The following PTPN13 variants were observed in gnomAD, a reference collection of about 807,000 sequenced individuals.
PTPN13 encodes tyrosine-protein phosphatase non-receptor type 13.
Under a neutral mutation model 284.0 loss-of-function variants are expected in PTPN13, and 191 were observed. That is an observed-to-expected ratio of 0.67 (90% CI 0.60 to 0.76). The LOEUF (loss-of-function observed/expected upper bound fraction) is 0.76, where lower values mean the gene tolerates loss of function less well. Among genes scored for constraint, PTPN13 ranks in the 30% least tolerant of loss-of-function variants. The pLI, the probability that PTPN13 is intolerant of heterozygous loss-of-function variation, is 0.00. For synonymous variants in PTPN13, 986 were observed against 1,022.3 expected (o/e 0.96, Z 0.68); for missense variants, 2,797 against 2,939.9 (o/e 0.95, Z 1.12).
At chr4:86,782,817 A>G (rs1741475024) in intron 37 of PTPN13, among the ~76,000 whole-genome samples, 1 of 152,252 alleles carries the variant, frequency 6.6e-6, no homozygotes, top group African/African-American at 2.4e-5. Flanking sequence ...GGGTGACTAA[A>G]CAAAACTAAT....
intron 3 of PTPN13, among the ~76,000 whole-genome samples, chr4:86,675,680 AACTTT>A (rs745367616): frequency 2.6e-5 from 4 of 152,118 alleles, no homozygotes; most frequent in Non-Finnish European, 5.9e-5. Flanking sequence ...TTTACCTTAA[AACTTT>A]ACTTTTCAAG....
chr4:86,631,705 A>T (rs1390496881), intron 1 of PTPN13, among the ~76,000 whole-genome samples: 1 of 152,154 alleles, frequency 6.6e-6, no homozygotes, highest in African/African-American at 2.4e-5. Context: ...CACGGTATTG[A>T]TATAATTCGT....
rs1195297621 is a variant in PTPN13, at chr4:86,799,172, TAGAG to T, written c.6477_6480del (p.Arg2160GlnfsTer13). On this transcript the variant is annotated frameshift_variant, in exon 42 of 48. Transcript: ENST00000411767. LOFTEE classifies it high-confidence loss of function. ...ACATGGGGAAATGATGAGTTGCCAA[TAGAG>T]AGAACAAACCATGAAGATTCTGATA... 28 of 1,584,350 alleles carry T rather than the reference TAGAG, an allele frequency of 1.8e-5. No homozygotes were observed. Among genetic ancestry groups the T allele is most frequent in the African/African-American group, 2.7e-5 (2 of 74,102 alleles).
At chr4:86,643,187 C>T (rs1348158345) in intron 2 of PTPN13, among the ~76,000 whole-genome samples, 1 of 151,812 alleles carries the variant, frequency 6.6e-6, no homozygotes, top group South Asian at 2.1e-4. Flanking sequence ...TTCAATAAAC[C>T]GTTAAAAAGA....
At chr4:86,768,419 C>G (rs1396131993) in intron 28 of PTPN13, among the ~76,000 whole-genome samples, 1 of 152,114 alleles carries the variant, frequency 6.6e-6, no homozygotes, top group Non-Finnish European at 1.5e-5. Context: ...ACAAACTATG[C>G]TAGCCTTTGG....
At position 86,693,662 on chromosome 4, in the gene PTPN13, G is replaced by A. The variant is rs755856768; in HGVS notation, c.622G>A (p.Gly208Arg). 5 of 1,551,128 alleles carry A rather than the reference G, an allele frequency of 3.2e-6. No individual in the cohort carries two copies. Among genetic ancestry groups the A allele is most frequent in the Non-Finnish European group, 4.4e-6 (5 of 1,144,852 alleles). The part of the protein sequence containing the change: ...QAIRDRLRGK[G>R]LPTGRSSTSD... Reference sequence around the variant, plus strand: ...TATTCGAGATCGATTGCGAGGAAAAGGATTACCAACAGGTAAGAGTATATT... The same window carrying A: ...TATTCGAGATCGATTGCGAGGAAAAAGATTACCAACAGGTAAGAGTATATT... Residue 208 changes from glycine (G) to arginine (R), a missense_variant, in exon 6 of 48, where the codon GGA becomes AGA. Transcript: ENST00000411767.
chr4:86,647,420 C>A (rs1257875399), intron 2 of PTPN13, among the ~76,000 whole-genome samples: 3 of 151,568 alleles, frequency 2.0e-5, no homozygotes, highest in African/African-American at 7.3e-5. Context: ...TGTAGAGCAT[C>A]AGGAGTAGAC....
At chr4:86,715,506 A>G (rs2149065297) in intron 7 of PTPN13, among the ~76,000 whole-genome samples, 1 of 152,274 alleles carries the variant, frequency 6.6e-6, no homozygotes, top group East Asian at 1.9e-4. Flanking sequence ...ACGAGAAGAT[A>G]GCTTGAACCC....
At chr4:86,632,839 C>T (rs1236157134) in intron 1 of PTPN13, among the ~76,000 whole-genome samples, 5 of 152,054 alleles carry the variant, frequency 3.3e-5, no homozygotes, top group African/African-American at 4.8e-5. Flanking sequence ...GAAACGGTCT[C>T]ACTCTGTCAA....
chr4:86,768,119 C>A, intron 28 of PTPN13, 143 bp downstream of exon 28: 1 of 714,470 alleles, frequency 1.4e-6, no homozygotes, highest in Non-Finnish European at 2.2e-6. Flanking sequence ...GACATCACAC[C>A]ATACTGAATA....
intron 13 of PTPN13, 30 bp downstream of exon 13, chr4:86,734,486 T>C (rs749699437): frequency 6.7e-7 from 1 of 1,492,198 alleles, no homozygotes; most frequent in Non-Finnish European, 9.0e-7. Flanking sequence ...TCTTTTGCTC[T>C]TTTTGGACAC....
intron 41 of PTPN13, among the ~76,000 whole-genome samples, chr4:86,798,405 A>G (rs1435938908): frequency 6.6e-6 from 1 of 152,242 alleles, no homozygotes; most frequent in Non-Finnish European, 1.5e-5. Context: ...GCATTAGTCC[A>G]TGTCCTGGTG....
At chr4:86,778,784 TACA>T (rs1740938441) in intron 35 of PTPN13, among the ~76,000 whole-genome samples, 1 of 152,168 alleles carries the variant, frequency 6.6e-6, no homozygotes, top group Admixed American at 6.5e-5. Context: ...GCGTTAAATT[TACA>T]GATTTTTTTA....
At chr4:86,699,560 G>C (rs1242390842) in intron 6 of PTPN13, among the ~76,000 whole-genome samples, 1 of 152,122 alleles carries the variant, frequency 6.6e-6, no homozygotes, top group East Asian at 1.9e-4. Context: ...AGTCATTGTG[G>C]AAAGTAAGCA....
chr4:86,648,652 C>T (rs1375258362), intron 2 of PTPN13, among the ~76,000 whole-genome samples: 3 of 152,080 alleles, frequency 2.0e-5, no homozygotes, highest in South Asian at 2.1e-4. Flanking sequence ...GAGATGATTC[C>T]GTAACTTGGC....
chr4:86,693,862 A>G (rs937258052), intron 6 of PTPN13, among the ~76,000 whole-genome samples, 188 bp downstream of exon 6: 2 of 152,186 alleles, frequency 1.3e-5, no homozygotes, highest in African/African-American at 4.8e-5. Flanking sequence ...AAACTTATAC[A>G]GAAAACATTA....
chr4:86,696,066 AAATT>A (rs1388579261), intron 6 of PTPN13, among the ~76,000 whole-genome samples: 1 of 152,102 alleles, frequency 6.6e-6, no homozygotes, highest in South Asian at 2.1e-4. Context: ...AATGTTTCAG[AAATT>A]AATTGTTACA....
chr4:86,805,296 AC>A lies in PTPN13; in HGVS notation c.6674del (p.Pro2225LeufsTer6). On this transcript the variant is annotated frameshift_variant, in exon 44 of 48. Coordinates refer to ENST00000411767, the MANE Select transcript of PTPN13 (RefSeq NM_080683.3). LOFTEE classifies it high-confidence loss of function. ...KELENLQELK[P>X]LDQCLIGQTK... is the part of the protein sequence containing the mutation. ...GCTTACAGAATCTTCAAGAATTAAA[AC>A]CTTTGGATCAGTGTCTAATTGGGCA... The A allele has an allele frequency of 6.3e-7, 1 of 1,591,234 alleles. No homozygotes were observed. The highest frequency in any genetic ancestry group is 8.6e-7 in the Non-Finnish European group (1 of 1,164,736).
chr4:86,801,435 T>C (rs779149955), intron 42 of PTPN13, among the ~76,000 whole-genome samples: 2 of 152,188 alleles, frequency 1.3e-5, no homozygotes, highest in Non-Finnish European at 2.9e-5. Flanking sequence ...TGAGGTTTTT[T>C]TGGGGGGTGA....
Sources: allele counts gnomAD v4.1 joint callset (sites outside exome capture counted in the v4.1 genomes callset), GRCh38; gene constraint gnomAD v4.1.1; transcripts MANE v1.5; gene names NCBI Gene and HGNC (gene_info 2026-07-23, HGNC 2026-07-21).